Variants in DPP6 observed in about 807,000 individuals in gnomAD.
DPP6 encodes the protein A-type potassium channel modulatory protein DPP6.
DPP6 carries 69 observed loss-of-function variants against 122.6 expected under a neutral mutation model. The ratio of observed to expected loss-of-function variants is 0.56; its 90% CI spans 0.46 to 0.69. DPP6 has a LOEUF of 0.69. Ranked by LOEUF, DPP6 falls within the 30% of genes least tolerant of loss-of-function variation. DPP6 has a pLI of 0.00. For missense variants in DPP6, 928 were observed against 1,116.9 expected (o/e 0.83, Z 2.41); for synonymous variants, 418 against 433.1 (o/e 0.97, Z 0.43).
intron 1 of DPP6, among the ~76,000 whole-genome samples, chr7:154,015,590 C>T (rs2129050112): frequency 6.6e-6 from 1 of 152,294 alleles, no homozygotes; most frequent in East Asian, 1.9e-4. Flanking sequence ...AATGGCACCA[C>T]CACCAACCCA....
rs114596967 is a variant in DPP6, at chr7:154,320,214, C to T, written c.244-126000C>T. ...TATTTTACGTTTGTTTTTTCCACTC[C>T]GAGTCTTTGGAATGGCATGTGTGCT... is the stretch of plus-strand genomic sequence containing the variant. On this transcript the variant is annotated intron_variant, in intron 1 of 25. Coordinates refer to ENST00000377770, the MANE Select transcript of DPP6 (RefSeq NM_130797.4). Among the ~76,000 whole-genome samples, 1,169 of 151,868 alleles carry T rather than the reference C, an allele frequency of 7.7e-3. 14 individuals are homozygous for T. Among genetic ancestry groups the T allele is most frequent in the African/African-American group, 0.026 (1,086 of 41,404 alleles).
intron 3 of DPP6, among the ~76,000 whole-genome samples, chr7:154,510,164 C>A (rs984028096): frequency 6.6e-6 from 1 of 152,060 alleles, no homozygotes; most frequent in Non-Finnish European, 1.5e-5. Context: ...TACTGGCCTA[C>A]CCAGATGAAA....
chr7:154,123,837 G>A (rs1431283841), intron 1 of DPP6, among the ~76,000 whole-genome samples: 14 of 139,590 alleles, frequency 1.0e-4, no homozygotes, highest in East Asian at 2.2e-4. Flanking sequence ...TGTGCTGCCC[G>A]CTCGTGGGGC....
rs1803575489 is a variant in DPP6, at chr7:154,863,313, T to A, written c.1715-4682T>A. ...TTAAGAAATGTAATATTTAGCATCT[T>A]GGCCCCAAGATTCTACAATCCTTTC... On this transcript the variant is annotated intron_variant, in intron 17 of 25. Transcript: ENST00000377770. The surrounding 1 kb of genome is among the most constrained non-coding windows in gnomAD (Gnocchi z 4.1). 7.4e-6 allele frequency among the ~76,000 whole-genome samples: 1 copy of A among 135,000 alleles called. No individual in the cohort carries two copies. Among genetic ancestry groups the A allele is most frequent in the South Asian group, 2.2e-4 (1 of 4,636 alleles). The allele number at this position is 135,000 out of a possible 152,430, so 88.6% of individuals were successfully genotyped here. A position where few individuals can be genotyped will look rare whatever the true frequency, so the allele number is the denominator to read the frequency against.
intron 3 of DPP6, among the ~76,000 whole-genome samples, chr7:154,519,398 A>G (rs1586523037): frequency 6.6e-6 from 1 of 152,314 alleles, no homozygotes; most frequent in South Asian, 2.1e-4. Flanking sequence ...GACACACGCT[A>G]CCAGGAGACG....
At chr7:153,768,520 A>T in the DPP6 span, among the ~76,000 whole-genome samples, 1 of 152,156 alleles carries the variant, frequency 6.6e-6, no homozygotes, top group Non-Finnish European at 1.5e-5. Context: ...TAAGGGCTTC[A>T]ACACTTGATG....
At chr7:154,121,404 C>T (rs539502622) in intron 1 of DPP6, among the ~76,000 whole-genome samples, 3 of 152,220 alleles carry the variant, frequency 2.0e-5, no homozygotes, top group Admixed American at 6.5e-5. Flanking sequence ...TAAATGTTTA[C>T]GGCTATAATT....
rs139298175 is a variant in DPP6 at position 153,952,018 on chromosome 7, C to A, written c.51+64284C>A. On this transcript the variant is annotated intron_variant, in intron 1 of 25. Transcript: ENST00000404039. ...AGATCGTGCCACTGCACTCCAGCCTCGGTGACAGAGCTAGATTCTGTCTCA... is the reference window on the plus strand; with the variant it reads ...AGATCGTGCCACTGCACTCCAGCCTAGGTGACAGAGCTAGATTCTGTCTCA... Among the ~76,000 whole-genome samples, 233 of 152,170 alleles carry A rather than the reference C, an allele frequency of 1.5e-3. 1 individual carries two copies. The highest frequency in any genetic ancestry group is 5.1e-3 in the African/African-American group (210 of 41,524).
At chr7:153,934,610 T>C (rs1170533769) in intron 1 of DPP6, among the ~76,000 whole-genome samples, 22 of 152,170 alleles carry the variant, frequency 1.4e-4, no homozygotes, top group Admixed American at 1.4e-3. Context: ...GCCCAAGATA[T>C]TCATCTGAAG....
At position 154,539,234 on chromosome 7, in the gene DPP6, G is replaced by A. The variant is rs1012598962; in HGVS notation, c.458-1298G>A. ...TCTCAACCTGCAACCCTACATTTCAGAAAGTAGTTTGCCTGTATGAAATTT... is the reference window on the plus strand; with the variant it reads ...TCTCAACCTGCAACCCTACATTTCAAAAAGTAGTTTGCCTGTATGAAATTT... On this transcript the variant is annotated intron_variant, in intron 3 of 25. Transcript: ENST00000377770. Among the ~76,000 whole-genome samples, 8 of 152,188 alleles carry A rather than the reference G, an allele frequency of 5.3e-5. No individual in the cohort carries two copies. In the East Asian group the frequency reaches 1.5e-3, roughly 29 times the overall value.
chr7:154,749,870 A>C (rs1843278878), intron 8 of DPP6, among the ~76,000 whole-genome samples: 1 of 122,112 alleles, frequency 8.2e-6, no homozygotes, highest in Non-Finnish European at 1.6e-5. Flanking sequence ...ATGGGGCATT[A>C]CTGAGAGAGG....
At chr7:154,484,386 C>A (rs1823607860) in intron 3 of DPP6, among the ~76,000 whole-genome samples, 2 of 152,232 alleles carry the variant, frequency 1.3e-5, no homozygotes. Context: ...ATGAAGGCAG[C>A]CTGGGCTAAA....
intron 1 of DPP6, among the ~76,000 whole-genome samples, chr7:154,412,490 A>G (rs955526250): frequency 7.9e-5 from 12 of 151,970 alleles, no homozygotes; most frequent in African/African-American, 2.9e-4. Context: ...TCCCCACCTC[A>G]TTTAACCTTA....
At chr7:153,853,691 C>A in the DPP6 span, among the ~76,000 whole-genome samples, 1 of 152,142 alleles carries the variant, frequency 6.6e-6, no homozygotes, top group Non-Finnish European at 1.5e-5. Context: ...ATCTATGGGT[C>A]TCAGTGGACA....
chr7:154,822,542 A>G (rs1432108579), intron 16 of DPP6, among the ~76,000 whole-genome samples: 1 of 152,154 alleles, frequency 6.6e-6, no homozygotes, highest in African/African-American at 2.4e-5. Context: ...TTCAAACCAT[A>G]GCCCAGACTA....
chr7:154,530,613 C>T (rs1020000110), intron 3 of DPP6, among the ~76,000 whole-genome samples: 6 of 152,118 alleles, frequency 3.9e-5, no homozygotes, highest in Non-Finnish European at 8.8e-5. Context: ...AGCAGAAATA[C>T]CATTTAACCT....
rs1007583967 is a variant in DPP6 at position 154,604,263 on chromosome 7, T to C, written c.628-33558T>C. On this transcript the variant is annotated intron_variant, in intron 5 of 25. Transcript: ENST00000377770. ...CCATGTATGCACGATCCTTTTCTCGTCTTTCTCTTCTGTTCTATTTATCTA... is the reference window on the plus strand; with the variant it reads ...CCATGTATGCACGATCCTTTTCTCGCCTTTCTCTTCTGTTCTATTTATCTA... 1.7e-4 allele frequency among the ~76,000 whole-genome samples: 20 copies of C among 120,258 alleles called. 9 individuals are homozygous for C. The highest frequency in any genetic ancestry group is 7.0e-4 in the South Asian group (2 of 2,872). The allele number at this position is 120,258 out of a possible 152,430, so 78.9% of individuals were successfully genotyped here.
chr7:154,538,987 C>T (rs1013105260), intron 3 of DPP6, among the ~76,000 whole-genome samples: 10 of 152,146 alleles, frequency 6.6e-5, no homozygotes, highest in Admixed American at 2.0e-4. Flanking sequence ...AGGACCATGT[C>T]GATGATGAAA....
At chr7:154,037,177 T>C (rs1799577347) in intron 1 of DPP6, among the ~76,000 whole-genome samples, 1 of 152,146 alleles carries the variant, frequency 6.6e-6, no homozygotes, top group Non-Finnish European at 1.5e-5. Context: ...TTGAGCTTGG[T>C]AGGAAGACGG....
Sources: allele counts gnomAD v4.1 joint callset (sites outside exome capture counted in the v4.1 genomes callset), GRCh38; gene constraint gnomAD v4.1.1; non-coding constraint Gnocchi (gnomAD v3.1); transcripts MANE v1.5; gene names NCBI Gene and HGNC (gene_info 2026-07-23, HGNC 2026-07-21).